PLA2R1: variants seen among roughly 807,000 people sequenced by gnomAD.
The protein encoded by PLA2R1 is secretory phospholipase A2 receptor.
PLA2R1 carries 158 observed loss-of-function variants against 195.9 expected under a neutral mutation model. The observed-to-expected ratio is 0.81, with a 90% confidence interval of 0.71 to 0.92. The LOEUF is 0.92. Ranked by LOEUF, PLA2R1 falls within the 40% of genes least tolerant of loss-of-function variation. PLA2R1 has a pLI of 0.00. For synonymous variants in PLA2R1, 586 were observed against 598.2 expected (o/e 0.98, Z 0.30); for missense variants, 1,626 against 1,764.6 (o/e 0.92, Z 1.41).
intron 21 of PLA2R1, among the ~76,000 whole-genome samples, chr2:159,956,053 A>G (rs1195201281): frequency 1.3e-5 from 2 of 152,230 alleles, no homozygotes; most frequent in African/African-American, 4.8e-5. Context: ...ATTTCATCAT[A>G]TCATTAACAA....
chr2:159,949,888 T>G, intron 24 of PLA2R1, 112 bp from the exon 25 acceptor site: 1 of 771,918 alleles, frequency 1.3e-6, no homozygotes, highest in Non-Finnish European at 2.2e-6. Flanking sequence ...TGCACACCTT[T>G]TTAAAGAGGG....
intron 1 of PLA2R1, among the ~76,000 whole-genome samples, chr2:160,047,050 A>G (rs972289279): frequency 1.3e-5 from 2 of 152,176 alleles, no homozygotes; most frequent in African/African-American, 4.8e-5. Flanking sequence ...TACCTAATAT[A>G]TATGTTCAAA....
chr2:159,979,311 G>C (rs1391300674), intron 14 of PLA2R1, among the ~76,000 whole-genome samples: 1 of 152,092 alleles, frequency 6.6e-6, no homozygotes, highest in East Asian at 1.9e-4. Context: ...TGCAAGTATG[G>C]GAATGAATGA....
At chr2:160,062,037 C>T (rs1322607689) in intron 1 of PLA2R1, among the ~76,000 whole-genome samples, 3 of 152,084 alleles carry the variant, frequency 2.0e-5, no homozygotes, top group Non-Finnish European at 4.4e-5. Context: ...GACCAAGCCC[C>T]CCCGCCCCCG....
In PLA2R1 at chr2:159,969,308, T is replaced by C; in HGVS notation, c.2712A>G (p.Glu904=). 1 of 1,609,736 alleles carries C rather than the reference T, an allele frequency of 6.2e-7. No individual in the cohort carries two copies. The change falls in exon 19 of 30, where the codon GAA becomes GAG. Residue 904 remains glutamate, a synonymous_variant. Transcript: ENST00000283243. ...TCTGGCTCTGATTATTCACAGTTCTTTCTCTTCCTGTGTCCCAGTTCTGGT... is the reference window on the plus strand; with the variant it reads ...TCTGGCTCTGATTATTCACAGTTCTCTCTCTTCCTGTGTCCCAGTTCTGGT... ...VIYQNWDTGR[E]RTVNNQSQRC... is the part of the protein sequence containing the mutation.
chr2:159,977,478 A>C, intron 14 of PLA2R1, 62 bp from the exon 15 acceptor site: 1 of 1,487,352 alleles, frequency 6.7e-7, no homozygotes, highest in Non-Finnish European at 9.3e-7. Flanking sequence ...TCAAAAGATC[A>C]AAAAGGGCAT....
intron 27 of PLA2R1, chr2:159,946,561 G>C: frequency 1.7e-6 from 2 of 1,174,408 alleles, no homozygotes. Flanking sequence ...TTCCTGCTAA[G>C]GGTAAAGATA....
intron 6 of PLA2R1, among the ~76,000 whole-genome samples, chr2:160,025,800 T>G (rs1693482391): frequency 1.3e-5 from 2 of 152,240 alleles, no homozygotes; most frequent in East Asian, 3.9e-4. Flanking sequence ...TTACTCTGAA[T>G]GCAAATGGAT....
intron 8 of PLA2R1, among the ~76,000 whole-genome samples, chr2:160,018,735 A>G (rs1692920914): frequency 6.6e-6 from 1 of 152,252 alleles, no homozygotes; most frequent in South Asian, 2.1e-4. Context: ...TCTCCTTTAT[A>G]TGGGGCTGAG....
chr2:160,051,426 C>T (rs935582269), intron 1 of PLA2R1, among the ~76,000 whole-genome samples: 14 of 152,240 alleles, frequency 9.2e-5, no homozygotes, highest in African/African-American at 3.4e-4. Context: ...TTGACTCTGT[C>T]CATTTCCTTG....
chr2:159,948,138 T>C (rs1461551467), intron 25 of PLA2R1, among the ~76,000 whole-genome samples: 2 of 152,230 alleles, frequency 1.3e-5, no homozygotes. Flanking sequence ...GCTCCACCAC[T>C]TACTAGCTGC....
Position 159,970,093 on chromosome 2 carries a change from TC to T in PLA2R1, c.2660+54del, listed in dbSNP as rs1488630319. ...GATCACTAAAATTGAATCTAATCAT[TC>T]TGCAAATAAAACCTGTCAAACAAAA... On this transcript the variant is annotated intron_variant, in intron 18 of 29. Transcript: ENST00000283243. 27 of 1,129,144 alleles carry T rather than the reference TC, an allele frequency of 2.4e-5. No individual in the cohort carries two copies. In the East Asian group the frequency reaches 6.2e-4, roughly 26 times the overall value. The allele number at this position is 1,129,144 out of a possible 1,614,324, so 69.9% of individuals were successfully genotyped here. A position where few individuals can be genotyped will look rare whatever the true frequency, so the allele number is the denominator to read the frequency against.
chr2:159,983,928 C>T lies in PLA2R1; in HGVS notation c.2183G>A (p.Trp728Ter). 6.5e-7 allele frequency: 1 copy of T among 1,528,766 alleles called. No homozygotes were observed. The highest frequency in any genetic ancestry group is 9.0e-7 in the Non-Finnish European group (1 of 1,109,914). The allele number at this position is 1,528,766 out of a possible 1,614,324, so 94.7% of individuals were successfully genotyped here. A position where few individuals can be genotyped will look rare whatever the true frequency, so the allele number is the denominator to read the frequency against. ...TTTTTCATAATTAACAAGTATTTAC[C>T]AATTAAATTTTGAATGTAAGAGCTC... ...VNELLHSKFNWTEERQFWIGF... is the reference protein window; with the variant it reads ...VNELLHSKFN The change falls in exon 13 of 30, where the codon TGG becomes TAG. Residue 728 changes from tryptophan (W) to a stop codon, truncating the protein, a stop_gained and splice_region_variant. Coordinates refer to ENST00000283243, the MANE Select transcript of PLA2R1 (RefSeq NM_007366.5). LOFTEE classifies it high-confidence loss of function.
Position 160,044,783 on chromosome 2 carries a change from G to C in PLA2R1, c.484C>G (p.Leu162Val). 1 of 1,609,240 alleles carries C rather than the reference G, an allele frequency of 6.2e-7. No individual in the cohort carries two copies. The highest frequency in any genetic ancestry group is 8.5e-7 in the Non-Finnish European group (1 of 1,175,924). ...TTTAAATTATTTTTACCTTTGTGTAGATATTCACAAATGTCTCCACCACCT... is the reference window on the plus strand; with the variant it reads ...TTTAAATTATTTTTACCTTTGTGTACATATTCACAAATGTCTCCACCACCT... Reference protein sequence around the residue: ...GSGGGDICEYLHKDLHTIKGN... With the variant: ...GSGGGDICEYVHKDLHTIKGN... The change falls in exon 2 of 30, where the codon CTA (leucine) becomes GTA (valine). Residue 162 changes from leucine (L) to valine (V), a missense_variant. Coordinates refer to ENST00000283243, the MANE Select transcript of PLA2R1 (RefSeq NM_007366.5).
At chr2:160,059,067 G>C (rs142043824) in intron 1 of PLA2R1, among the ~76,000 whole-genome samples, 2 of 152,142 alleles carry the variant, frequency 1.3e-5, no homozygotes, top group Admixed American at 1.3e-4. Context: ...TAAGGAGCTC[G>C]CAACCTAGAT....
At chr2:159,953,471 T>C (rs900204683) in intron 23 of PLA2R1, among the ~76,000 whole-genome samples, 12 of 152,256 alleles carry the variant, frequency 7.9e-5, no homozygotes, top group African/African-American at 2.9e-4. Flanking sequence ...TAGAAAAAAC[T>C]ATATCGTTTG....
chr2:160,044,819 A>G lies in PLA2R1; in HGVS notation c.448T>C (p.Ser150Pro), dbSNP rs768216919. The change falls in exon 2 of 30, where the codon TCT becomes CCT. Residue 150 changes from serine to proline, a missense_variant. Coordinates refer to ENST00000283243, the MANE Select transcript of PLA2R1 (RefSeq NM_007366.5). Reference sequence around the variant, plus strand: ...ATGTCTCCACCACCTGACCCATAAGAAATCCACTTATGAATATACTTCCGT... The same window carrying G: ...ATGTCTCCACCACCTGACCCATAAGGAATCCACTTATGAATATACTTCCGT... The part of the protein sequence containing the change: ...ASRKYIHKWI[S>P]YGSGGGDICE... 1.5e-5 allele frequency: 24 copies of G among 1,612,624 alleles called. 1 individual carries two copies. Among genetic ancestry groups the G allele is most frequent in the Middle Eastern group, 1.6e-4 (1 of 6,080 alleles).
chr2:160,010,635 C>T (rs1183128446), intron 10 of PLA2R1, among the ~76,000 whole-genome samples: 1 of 152,144 alleles, frequency 6.6e-6, no homozygotes, highest in Admixed American at 6.5e-5. Flanking sequence ...TTACCATGGC[C>T]ACTAGTGGAC....
chr2:160,034,145 T>G (rs182940589), intron 3 of PLA2R1, among the ~76,000 whole-genome samples: 13 of 152,384 alleles, frequency 8.5e-5, no homozygotes, highest in African/African-American at 2.6e-4. Flanking sequence ...TTTAGTGTAC[T>G]TCAAACTTAT....
Sources: gnomAD v4.1 joint callset for allele counts (sites outside exome capture counted in the v4.1 genomes callset) on GRCh38, gnomAD v4.1.1 for gene constraint, MANE v1.5 for transcripts, NCBI Gene and HGNC (gene_info 2026-07-23, HGNC 2026-07-21) for gene names.